WDR62: variants seen among roughly 807,000 people sequenced by gnomAD.
The protein encoded by WDR62 is WD repeat-containing protein 62.
Under a neutral mutation model 160.6 loss-of-function variants are expected in WDR62, and 112 were observed. The observed-to-expected ratio is 0.70, with a 90% CI of 0.60 to 0.82. WDR62 has a LOEUF of 0.82. WDR62 is among the 40% of genes least tolerant of loss of function. The pLI is 0.00. For missense variants in WDR62, 1,819 were observed against 1,983.8 expected (o/e 0.92, Z 1.58); for synonymous variants, 792 against 815.1 (o/e 0.97, Z 0.48).
At chr19:36,086,289 G>A (rs1459131434) in intron 12 of WDR62, among the ~76,000 whole-genome samples, 1 of 152,166 alleles carries the variant, frequency 6.6e-6, no homozygotes, top group African/African-American at 2.4e-5. Context: ...ACCTGAACAA[G>A]GCCCAGGTAG....
Position 36,089,311 on chromosome 19 carries a change from G to A in WDR62, c.1958+5G>A, listed in dbSNP as rs766674952. 2.9e-5 allele frequency: 47 copies of A among 1,614,108 alleles called. No homozygotes were observed. In the South Asian group the frequency reaches 4.9e-4, roughly 17 times the overall value. The stretch of plus-strand genomic sequence containing the variant: ...CTGCCAGGACCGCAATGTGAGGTAA[G>A]GGGTGGCCCTGGACCCTTAGCTGGC... On this transcript the variant is annotated splice_donor_5th_base_variant and intron_variant, in intron 15 of 31. Transcript: ENST00000401500.
chr19:36,092,796 G>T lies in WDR62; in HGVS notation c.2318G>T (p.Arg773Leu), dbSNP rs762688861. The change falls in exon 19 of 32, where the codon CGG becomes CTG. Residue 773 changes from arginine (R) to leucine (L), a missense_variant. Around this residue, in one of 3 missense-constraint regions of WDR62, gnomAD observed 934 missense variants for 1,157.2 expected, o/e 0.81. Transcript: ENST00000401500. Reference sequence around the variant, plus strand: ...CAGCAGCACACAAATGACAAGAAGCGGAGTGGCCACCCCAGGTCCTGGCAG... The same window carrying T: ...CAGCAGCACACAAATGACAAGAAGCTGAGTGGCCACCCCAGGTCCTGGCAG... ...QQQQHTNDKK[R>L]SGHPRQDTYV... 7 of 1,613,918 alleles carry T rather than the reference G, an allele frequency of 4.3e-6. No individual in the cohort carries two copies. The East Asian group carries it at 1.6e-4, about 36-fold the overall frequency.
chr19:36,066,360 C>T lies in WDR62; in HGVS notation c.494C>T (p.Pro165Leu), dbSNP rs376249605. ...GGTGTGGCGTGTGTGGCCTTCTCAC[C>T]CAATATGAAGCACATCGTGTCCATG... ...KYGVACVAFS[P>L]NMKHIVSMGY... Residue 165 changes from proline (P) to leucine (L), a missense_variant, in exon 5 of 32, where the codon CCC (proline) becomes CTC (leucine). This residue lies in a region of WDR62 where 934 missense variants were observed against 1,157.2 expected (regional missense o/e 0.81). Coordinates refer to ENST00000401500, the MANE Select transcript of WDR62 (RefSeq NM_001083961.2). 3.7e-6 allele frequency: 6 copies of T among 1,613,846 alleles called. No individual in the cohort carries two copies. The highest frequency in any genetic ancestry group is 1.7e-5 in the Admixed American group (1 of 59,964).
chr19:36,056,054 A>G (rs28514579), intron 1 of WDR62, among the ~76,000 whole-genome samples: 30,736 of 151,992 alleles, frequency 0.2, 3,513 homozygotes, highest in East Asian at 0.32. Flanking sequence ...AATCCCAGCT[A>G]CTCAGGAGGC....
Position 36,104,560 on chromosome 19 carries a change from A to C in WDR62, c.4196A>C (p.Glu1399Ala). The C allele has an allele frequency of 6.2e-7, 1 of 1,613,730 alleles. No homozygotes were observed. Among genetic ancestry groups the C allele is most frequent in the Non-Finnish European group, 8.5e-7 (1 of 1,179,816 alleles). ...LLQGSPARWS[E>A]PWVPVEALPP... is the part of the protein sequence containing the mutation. The stretch of plus-strand genomic sequence containing the variant: ...CAGGGCAGCCCTGCCCGCTGGAGTG[A>C]GCCCTGGGTGCCGGTTGAAGCCCTG... The change falls in exon 31 of 32, where the codon GAG (glutamate) becomes GCG (alanine). Residue 1399 changes from glutamate (E) to alanine (A), a missense_variant. This residue lies in a region of WDR62 where 770 missense variants were observed against 734.2 expected (regional missense o/e 1.05). Transcript: ENST00000401500.
chr19:36,063,157 A>C (rs1419865789), intron 3 of WDR62, among the ~76,000 whole-genome samples: 2 of 151,902 alleles, frequency 1.3e-5, no homozygotes, highest in Admixed American at 6.6e-5. Context: ...GTTGGCCAGG[A>C]TGGTCTCGAT....
rs771922777 is a variant in WDR62, at chr19:36,097,008, G to C, written c.2468-19G>C. 1 of 1,607,410 alleles carries C rather than the reference G, an allele frequency of 6.2e-7. No homozygotes were observed. The highest frequency in any genetic ancestry group is 1.1e-5 in the South Asian group (1 of 89,600). ...GTTGGGTTGTTTGTCCTCTTTTCAT[G>C]GATTCTGTGTCTTTCCAGATCCTCG... On this transcript the variant is annotated intron_variant, in intron 20 of 31. Coordinates refer to ENST00000401500, the MANE Select transcript of WDR62 (RefSeq NM_001083961.2).
intron 3 of WDR62, among the ~76,000 whole-genome samples, chr19:36,064,200 G>A (rs1371083740): frequency 6.6e-6 from 1 of 152,334 alleles, no homozygotes; most frequent in East Asian, 1.9e-4. Flanking sequence ...TAAAACCCAA[G>A]AGCATGCTCT....
chr19:36,089,122 T>G lies in WDR62; in HGVS notation c.1836+17T>G. On this transcript the variant is annotated intron_variant, in intron 14 of 31. Transcript: ENST00000401500. The stretch of plus-strand genomic sequence containing the variant: ...GCCCAGCAGGTAGGGTGGCATGGCC[T>G]CCTTGGGGGCTGGGGTGGGGGGTTG... 6.2e-7 allele frequency: 1 copy of G among 1,609,314 alleles called. No homozygotes were observed. The highest frequency in any genetic ancestry group is 2.2e-5 in the East Asian group (1 of 44,854).
chr19:36,083,285 A>T (rs1222225093), intron 11 of WDR62, 44 bp downstream of exon 11: 2 of 1,556,360 alleles, frequency 1.3e-6, no homozygotes, highest in African/African-American at 2.7e-5. Context: ...TCCCAGCTCC[A>T]GCTCAGGTTC....
chr19:36,081,370 T>A (rs1449800847), intron 9 of WDR62, 63 bp from the exon 10 acceptor site: 4 of 1,586,716 alleles, frequency 2.5e-6, no homozygotes, highest in Non-Finnish European at 3.4e-6. Flanking sequence ...TCCATGAAAA[T>A]GCAACAGTAA....
downstream of WDR62, among the ~76,000 whole-genome samples, chr19:36,107,107 C>T (rs1355573096): frequency 6.6e-6 from 1 of 152,204 alleles, no homozygotes; most frequent in South Asian, 2.1e-4. Context: ...AAGGAGTAAA[C>T]ACCTGGCTTT....
chr19:36,069,545 G>T (rs547407203), intron 7 of WDR62, among the ~76,000 whole-genome samples: 2 of 151,698 alleles, frequency 1.3e-5, no homozygotes, highest in African/African-American at 2.4e-5. Context: ...CATCCCAGAC[G>T]ATGGGCGGCC....
At chr19:36,106,103 A>C (rs1973706574), downstream of WDR62, among the ~76,000 whole-genome samples, 1 of 152,234 alleles carries the variant, frequency 6.6e-6, no homozygotes, top group Non-Finnish European at 1.5e-5. Context: ...AGCTGGGACC[A>C]ATAACTGCTT....
intron 3 of WDR62, among the ~76,000 whole-genome samples, chr19:36,065,493 T>C (rs1230117659): frequency 1.3e-5 from 2 of 152,180 alleles, no homozygotes; most frequent in African/African-American, 4.8e-5. Flanking sequence ...TTTGGCTCTT[T>C]ATGGATTTTC....
At chr19:36,056,223 G>T (rs1228067546) in intron 1 of WDR62, among the ~76,000 whole-genome samples, 1 of 152,126 alleles carries the variant, frequency 6.6e-6, no homozygotes, top group Non-Finnish European at 1.5e-5. Flanking sequence ...AATTTTAATT[G>T]TGATCTTCTT....
intron 26 of WDR62, 119 bp from the exon 27 acceptor site, chr19:36,102,618 G>A (rs1312018248): frequency 1.1e-5 from 9 of 819,032 alleles, no homozygotes; most frequent in Non-Finnish European, 1.8e-5. Flanking sequence ...GCCCCTGCTC[G>A]TACCCTGTGT....
At position 36,102,140 on chromosome 19, in the gene WDR62, C is replaced by A. The variant is rs773422974; in HGVS notation, c.3209C>A (p.Ser1070Tyr). The A allele has an allele frequency of 6.2e-7, 1 of 1,613,994 alleles. No homozygotes were observed. The highest frequency in any genetic ancestry group is 1.7e-5 in the Admixed American group (1 of 60,028). Residue 1070 changes from serine (S) to tyrosine (Y), a missense_variant, in exon 26 of 32, where the codon TCC becomes TAC. Transcript: ENST00000401500. ...CACCACTTTGAGACACTGACTGAGT[C>A]CCCCTGCAGAGGTAGGGCCCTGCCT... ...LRHHFETLTE[S>Y]PCRELFPAAL...
downstream of WDR62, among the ~76,000 whole-genome samples, chr19:36,107,848 A>G (rs1973742188): frequency 6.6e-6 from 1 of 152,170 alleles, no homozygotes; most frequent in African/African-American, 2.4e-5. Context: ...CACCTGGTTA[A>G]GAAGCCACTG....
Sources: gnomAD v4.1 joint callset for allele counts (sites outside exome capture counted in the v4.1 genomes callset) on GRCh38, gnomAD v4.1.1 for gene constraint, gnomAD v4.1.1 regional missense constraint, MANE v1.5 for transcripts, NCBI Gene and HGNC (gene_info 2026-07-23, HGNC 2026-07-21) for gene names.